The following CAPRIN1 variants were observed in gnomAD, a reference collection of about 807,000 sequenced individuals.
CAPRIN1 encodes caprin-1.
CAPRIN1 carries 29 observed loss-of-function variants against 100.9 expected under a neutral mutation model. The ratio of observed to expected loss-of-function variants is 0.29; its 90% CI spans 0.21 to 0.39. The LOEUF is 0.39. Ranked by LOEUF, CAPRIN1 falls within the 10% of genes least tolerant of loss-of-function variation. The pLI is 1.00. For missense variants in CAPRIN1, 795 were observed against 876.7 expected (o/e 0.91, Z 1.18); for synonymous variants, 338 against 307.5 (o/e 1.10, Z -1.04).
chr11:34,075,008 C>A (rs1476456055), intron 4 of CAPRIN1, among the ~76,000 whole-genome samples: 2 of 151,990 alleles, frequency 1.3e-5, no homozygotes, highest in Non-Finnish European at 2.9e-5. Flanking sequence ...GAAACATAGA[C>A]CTTGCCTCAA....
At chr11:34,090,829 TC>T in intron 14 of CAPRIN1, 151 bp downstream of exon 14, 1 of 671,948 alleles carries the variant, frequency 1.5e-6, no homozygotes, top group Admixed American at 3.1e-5. Context: ...AACTGATTAT[TC>T]CAGAGATTAA....
At chr11:34,088,683 A>G (rs952425484) in intron 11 of CAPRIN1, among the ~76,000 whole-genome samples, 1 of 152,148 alleles carries the variant, frequency 6.6e-6, no homozygotes, top group African/African-American at 2.4e-5. Context: ...AGAAGAAACA[A>G]AAGGTCAAAA....
At chr11:34,063,565 A>G (rs1357244343) in intron 2 of CAPRIN1, among the ~76,000 whole-genome samples, 1 of 152,230 alleles carries the variant, frequency 6.6e-6, no homozygotes, top group Non-Finnish European at 1.5e-5. Flanking sequence ...CCAGTACCAC[A>G]TGACTCTGAC....
At chr11:34,073,719 C>T (rs889355297) in intron 4 of CAPRIN1, among the ~76,000 whole-genome samples, 2 of 152,164 alleles carry the variant, frequency 1.3e-5, no homozygotes, top group South Asian at 4.1e-4. Context: ...GCCAACGTGC[C>T]TAGCTTCAAT....
Position 34,079,654 on chromosome 11 carries a change from C to T in CAPRIN1, c.715C>T (p.Arg239Cys), listed in dbSNP as rs148045328. ...TAAAGTTCTAAAGGAAATTGTTGAG[C>T]GTGTTTTTCAGTCAAACTACTTTGA... ...TYKVLKEIVE[R>C]VFQSNYFDST... The change falls in exon 7 of 19, where the codon CGT becomes TGT. Residue 239 changes from arginine (R) to cysteine (C), a missense_variant. Arg to Cys is a radical substitution (Grantham distance 180). This residue lies in a region of CAPRIN1 where 648 missense variants were observed against 697.9 expected (regional missense o/e 0.93). Coordinates refer to ENST00000341394, the MANE Select transcript of CAPRIN1 (RefSeq NM_005898.5). 27 of 1,613,532 alleles carry T rather than the reference C, an allele frequency of 1.7e-5. No individual in the cohort carries two copies. Among genetic ancestry groups the T allele is most frequent in the East Asian group, 4.5e-5 (2 of 44,886 alleles).
Position 34,079,985 on chromosome 11 carries a change from G to A in CAPRIN1, c.826+220G>A, listed in dbSNP as rs566033423. On this transcript the variant is annotated intron_variant, in intron 7 of 18. Transcript: ENST00000341394. ...GTTGCCCAGGCTGGAGTGCAGTGGC[G>A]TGATCTCGGCTCACTGCAAGCTCCG... 4.4e-3 allele frequency among the ~76,000 whole-genome samples: 642 copies of A among 145,182 alleles called. 2 individuals carry two copies. Among genetic ancestry groups the A allele is most frequent in the Non-Finnish European group, 6.5e-3 (436 of 67,298 alleles).
In CAPRIN1 at chr11:34,092,009, C is replaced by A. The variant is rs761043384; in HGVS notation, c.1658C>A (p.Pro553His). The A allele has an allele frequency of 1.7e-5, 27 of 1,614,116 alleles. No individual in the cohort carries two copies. Among genetic ancestry groups the A allele is most frequent in the Non-Finnish European group, 2.2e-5 (26 of 1,180,000 alleles). The change falls in exon 15 of 19, where the codon CCT (proline) becomes CAT (histidine). Residue 553 changes from proline (P) to histidine (H), a missense_variant. Physicochemically the swap from Pro to His is moderately conservative, Grantham distance 77. Around this residue, in one of 3 missense-constraint regions of CAPRIN1, gnomAD observed 648 missense variants for 697.9 expected, o/e 0.93. Transcript: ENST00000341394. Reference sequence around the variant, plus strand: ...TATAACCAGAGCTTTTCTAGTCAGCCTCACCAAGTAGAACAAACAGAGCTT... The same window carrying A: ...TATAACCAGAGCTTTTCTAGTCAGCATCACCAAGTAGAACAAACAGAGCTT... ...ASYNQSFSSQ[P>H]HQVEQTELQQ...
rs11710 is a variant in CAPRIN1, at chr11:34,097,200, A to T, written c.1905A>T (p.Gly635=). 2 of 1,606,606 alleles carry T rather than the reference A, an allele frequency of 1.2e-6. No individual in the cohort carries two copies. The highest frequency in any genetic ancestry group is 8.5e-7 in the Non-Finnish European group (1 of 1,173,332). The change falls in exon 17 of 19, where the codon GGA becomes GGT. Residue 635 remains glycine, a synonymous_variant. Coordinates refer to ENST00000341394, the MANE Select transcript of CAPRIN1 (RefSeq NM_005898.5). ...TTTTCTTGTCCTAAATTTTAGGAGG[A>T]TATGATGGTTACCGCCCTTCATTCT... The part of the protein sequence containing the change: ...YRGPANGFRG[G]YDGYRPSFSN...
chr11:34,075,343 A>C (rs1299638851), intron 4 of CAPRIN1, among the ~76,000 whole-genome samples: 1 of 152,166 alleles, frequency 6.6e-6, no homozygotes, highest in African/African-American at 2.4e-5. Context: ...GGAAAGCACT[A>C]CCATGGCTTT....
intron 18 of CAPRIN1, chr11:34,098,559 G>A: frequency 1.0e-6 from 1 of 985,342 alleles, no homozygotes; most frequent in Non-Finnish European, 1.2e-6. Flanking sequence ...GTGTGTTAAG[G>A]AGGAATTACA....
Position 34,100,857 on chromosome 11 carries a change from C to G in CAPRIN1, c.*1490C>G, listed in dbSNP as rs1851444126. The G allele has an allele frequency of 6.6e-6, 1 of 152,642 alleles. No individual in the cohort carries two copies. The highest frequency in any genetic ancestry group is 2.4e-5 in the African/African-American group (1 of 41,458). 9.5% of individuals were successfully genotyped at this position (152,642 alleles called of 1,614,324 possible). A position where few individuals can be genotyped will look rare whatever the true frequency, so the allele number is the denominator to read the frequency against. ...GCTGCTTATTGTCTCATTCTGACTTCATGGAGAATTAATCCCACCTTTAAG... is the reference window on the plus strand; with the variant it reads ...GCTGCTTATTGTCTCATTCTGACTTGATGGAGAATTAATCCCACCTTTAAG... On this transcript the variant is annotated 3_prime_UTR_variant, in exon 19 of 19. Transcript: ENST00000341394.
intron 2 of CAPRIN1, among the ~76,000 whole-genome samples, chr11:34,062,343 G>T (rs1025364595): frequency 6.6e-6 from 1 of 150,870 alleles, no homozygotes; most frequent in Non-Finnish European, 1.5e-5. Context: ...GGTAAAGATT[G>T]GACCGGGCGC....
intron 14 of CAPRIN1, among the ~76,000 whole-genome samples, chr11:34,091,446 C>A (rs935454011): frequency 9.9e-5 from 15 of 152,204 alleles, no homozygotes; most frequent in African/African-American, 3.4e-4. Context: ...GCCACCATGC[C>A]CAGCTAATTT....
In CAPRIN1 at chr11:34,076,630, T is replaced by C. The variant is rs1430021961; in HGVS notation, c.676T>C (p.Cys226Arg). The C allele has an allele frequency of 6.2e-7, 1 of 1,609,666 alleles. No homozygotes were observed. Among genetic ancestry groups the C allele is most frequent in the East Asian group, 2.2e-5 (1 of 44,886 alleles). The change falls in exon 6 of 19, where the codon TGT becomes CGT. Residue 226 changes from cysteine (C) to arginine (R), a missense_variant. Transcript: ENST00000341394. ...DLLEGKEKPV[C>R]GTTYKVLKEI... Reference sequence around the variant, plus strand: ...GCTGGAAGGGAAGGAAAAACCTGTATGTGGAACCACCTGTGAGTATCACTG... The same window carrying C: ...GCTGGAAGGGAAGGAAAAACCTGTACGTGGAACCACCTGTGAGTATCACTG...
chr11:34,079,922 T>TTTTTTTTTTTTTTTTTTTTTTTTTG (rs1850985055), intron 7 of CAPRIN1, among the ~76,000 whole-genome samples, 157 bp downstream of exon 7: 1 of 3,526 alleles, frequency 2.8e-4, no homozygotes, highest in African/African-American at 5.2e-4. Flanking sequence ...TTTTTTTTTT[T>TTTTTTTTTTTTTTTTTTTTTTTTTG]TTTTTTTTTT....
intron 2 of CAPRIN1, among the ~76,000 whole-genome samples, chr11:34,066,637 TTTTA>T (rs1231578635): frequency 2.7e-5 from 4 of 148,164 alleles, no homozygotes; most frequent in Non-Finnish European, 4.5e-5. Context: ...TGGCCACCTT[TTTTA>T]TTTATTTATT....
intron 2 of CAPRIN1, among the ~76,000 whole-genome samples, chr11:34,054,452 A>C (rs1850406107): frequency 6.6e-6 from 1 of 150,388 alleles, no homozygotes; most frequent in Non-Finnish European, 1.5e-5. Flanking sequence ...TTTGAGACGG[A>C]GTTTCGATCT....
In CAPRIN1 at chr11:34,090,163, C is replaced by G. The variant is rs766125216; in HGVS notation, c.1294-16C>G. 1.3e-6 allele frequency: 2 copies of G among 1,533,972 alleles called. No individual in the cohort carries two copies. The highest frequency in any genetic ancestry group is 1.1e-5 in the South Asian group (1 of 87,386). On this transcript the variant is annotated splice_polypyrimidine_tract_variant and intron_variant, in intron 12 of 18. Coordinates refer to ENST00000341394, the MANE Select transcript of CAPRIN1 (RefSeq NM_005898.5). ...TGTAAGCAGGAAGAAGCTTTTATTT[C>G]TTTACTTATGTCTAGGTTCCTTTGG... is the stretch of plus-strand genomic sequence containing the variant.
At chr11:34,087,655 T>C (rs1342610987) in intron 11 of CAPRIN1, among the ~76,000 whole-genome samples, 2 of 152,204 alleles carry the variant, frequency 1.3e-5, no homozygotes, top group Non-Finnish European at 2.9e-5. Context: ...TCAAGAGTTT[T>C]AGAAAACAGA....
Sources: gnomAD v4.1 joint callset for allele counts (sites outside exome capture counted in the v4.1 genomes callset) on GRCh38, gnomAD v4.1.1 for gene constraint, gnomAD v4.1.1 regional missense constraint, MANE v1.5 for transcripts, NCBI Gene and HGNC (gene_info 2026-07-23, HGNC 2026-07-21) for gene names.